Variants in C2orf80 observed in about 807,000 individuals in gnomAD.
C2orf80 encodes the protein chromosome 2 open reading frame 80, also known as uncharacterized protein C2orf80.
Under a neutral mutation model 30.2 loss-of-function variants are expected in C2orf80, and 28 were observed. The observed-to-expected ratio is 0.93, with a 90% confidence interval of 0.69 to 1.27. The LOEUF (loss-of-function observed/expected upper bound fraction) is 1.27, where lower values mean the gene tolerates loss of function less well. Ranked by LOEUF, C2orf80 falls within the 50% of genes most tolerant of loss-of-function variation. C2orf80 has a pLI of 0.00. For synonymous variants in C2orf80, 80 were observed against 76.4 expected (o/e 1.05, Z -0.24); for missense variants, 220 against 231.0 (o/e 0.95, Z 0.31).
intron 8 of C2orf80, among the ~76,000 whole-genome samples, chr2:208,169,923 A>G (rs947392453): frequency 2.6e-5 from 4 of 152,168 alleles, no homozygotes; most frequent in African/African-American, 9.7e-5. Context: ...ATAAGGTTAC[A>G]TTTCTAATTA....
chr2:208,173,423 A>G (rs998410829), intron 6 of C2orf80, among the ~76,000 whole-genome samples: 6 of 152,056 alleles, frequency 3.9e-5, no homozygotes, highest in Admixed American at 1.3e-4. Flanking sequence ...AGGAGATCGA[A>G]ACTATCCTGG....
chr2:208,176,932 T>C (rs1260223824), intron 6 of C2orf80, among the ~76,000 whole-genome samples: 2 of 88,764 alleles, frequency 2.3e-5, no homozygotes, highest in African/African-American at 9.0e-5. Context: ...TATACATATG[T>C]ATACATATCT....
chr2:208,168,721 A>G (rs1037704847), intron 8 of C2orf80, among the ~76,000 whole-genome samples: 1 of 120,758 alleles, frequency 8.3e-6, no homozygotes, highest in African/African-American at 3.2e-5. Flanking sequence ...ATAAAGTGTG[A>G]AAGAAAAAAC....
chr2:208,185,930 T>TG (rs1696705375), intron 2 of C2orf80, among the ~76,000 whole-genome samples: 1 of 152,218 alleles, frequency 6.6e-6, no homozygotes, highest in Non-Finnish European at 1.5e-5. Context: ...TTCCTGATCA[T>TG]GGTTTGTTCT....
intron 4 of C2orf80, among the ~76,000 whole-genome samples, chr2:208,181,859 T>C (rs1165949131): frequency 5.3e-5 from 8 of 152,154 alleles, no homozygotes; most frequent in Admixed American, 5.2e-4. Context: ...AAACTAGGAA[T>C]GGTGTTCACC....
intron 8 of C2orf80, chr2:208,168,528 G>A (rs939614164): frequency 1.2e-5 from 2 of 170,766 alleles, no homozygotes; most frequent in Non-Finnish European, 2.5e-5. Flanking sequence ...GGGCGTGGTG[G>A]CGGGCGCCTG....
chr2:208,185,114 C>A (rs1054735138), intron 2 of C2orf80, 82 bp from the exon 3 acceptor site: 3 of 916,366 alleles, frequency 3.3e-6, no homozygotes, highest in East Asian at 2.5e-5. Context: ...TTTCCCATCC[C>A]TCCCTCCCCC....
At chr2:208,184,439 G>T (rs1696655463) in intron 3 of C2orf80, among the ~76,000 whole-genome samples, 1 of 152,134 alleles carries the variant, frequency 6.6e-6, no homozygotes, top group South Asian at 2.1e-4. Context: ...TAGTAAATGG[G>T]CAGTGAAAAA....
In C2orf80 at chr2:208,171,072, A is replaced by T; in HGVS notation, c.455-9T>A. On this transcript the variant is annotated splice_polypyrimidine_tract_variant and intron_variant, in intron 7 of 8. Coordinates refer to ENST00000341287, the MANE Select transcript of C2orf80 (RefSeq NM_001099334.3). Reference sequence around the variant, plus strand: ...CTTTCTTGACTTGACACCTACAGACAGATGCAGTAACCATATCTGTATATA... The same window carrying T: ...CTTTCTTGACTTGACACCTACAGACTGATGCAGTAACCATATCTGTATATA... The T allele has an allele frequency of 2.5e-6, 4 of 1,581,322 alleles. No individual in the cohort carries two copies. Among genetic ancestry groups the T allele is most frequent in the Non-Finnish European group, 3.5e-6 (4 of 1,150,184 alleles).
At chr2:208,186,835 C>A in intron 2 of C2orf80, 111 bp downstream of exon 2, 1 of 968,226 alleles carries the variant, frequency 1.0e-6, no homozygotes. Flanking sequence ...TCCTACCATG[C>A]AGAAATAGAT....
intron 3 of C2orf80, among the ~76,000 whole-genome samples, chr2:208,184,697 AT>A (rs1415894151): frequency 6.6e-6 from 1 of 152,178 alleles, no homozygotes; most frequent in Non-Finnish European, 1.5e-5. Flanking sequence ...CCTGGCATTA[AT>A]TTTGATTTTT....
chr2:208,182,953 A>G lies in C2orf80; in HGVS notation c.206+12T>C, dbSNP rs751480571. ...AATTAAAGAGGAAAGCAACAAACCT[A>G]CTTCAACTTACAGTTCCTCCCACTC... On this transcript the variant is annotated intron_variant, in intron 4 of 8. Coordinates refer to ENST00000341287, the MANE Select transcript of C2orf80 (RefSeq NM_001099334.3). The G allele has an allele frequency of 8.7e-6, 14 of 1,604,288 alleles. No individual in the cohort carries two copies. The East Asian group carries it at 1.8e-4, about 20-fold the overall frequency.
intron 2 of C2orf80, 46 bp downstream of exon 2, chr2:208,186,900 C>T (rs376643218): frequency 1.4e-4 from 224 of 1,549,656 alleles, no homozygotes; most frequent in Non-Finnish European, 1.9e-4. Flanking sequence ...TGAAATCCAC[C>T]GAATGCCAAG....
intron 6 of C2orf80, 29 bp downstream of exon 6, chr2:208,180,716 T>A: frequency 6.4e-7 from 1 of 1,560,470 alleles, no homozygotes. Context: ...TAAAAATCCC[T>A]TCTATTGACA....
chr2:208,168,508 A>C lies in C2orf80; in HGVS notation c.573+2437T>G, dbSNP rs1322512977. The C allele has an allele frequency of 2.3e-5, 4 of 173,636 alleles. No individual in the cohort carries two copies. In the South Asian group the frequency reaches 3.8e-4, roughly 17 times the overall value. The allele number at this position is 173,636 out of a possible 1,614,324, so 10.8% of individuals were successfully genotyped here. ...AACCCCGTCTCTACTAAAAATACAA[A>C]AAATTAGCCGGGCGTGGTGGCGGGC... On this transcript the variant is annotated intron_variant, in intron 8 of 8. Coordinates refer to ENST00000341287, the MANE Select transcript of C2orf80 (RefSeq NM_001099334.3).
chr2:208,176,937 ATAT>A (rs1696339281), intron 6 of C2orf80, among the ~76,000 whole-genome samples: 2 of 89,206 alleles, frequency 2.2e-5, no homozygotes, highest in African/African-American at 4.9e-5. Flanking sequence ...ATATGTATAC[ATAT>A]CTGTATACAT....
chr2:208,175,281 TGA>T (rs1696249247), intron 6 of C2orf80, among the ~76,000 whole-genome samples: 1 of 147,928 alleles, frequency 6.8e-6, no homozygotes, highest in African/African-American at 2.5e-5. Flanking sequence ...CGTGACAGAG[TGA>T]GACTCTGTCT....
At position 208,165,763 on chromosome 2, in the gene C2orf80, C is replaced by G. The variant is rs947307988; in HGVS notation, c.*44G>C. On this transcript the variant is annotated 3_prime_UTR_variant, in exon 9 of 9. Transcript: ENST00000341287. Reference sequence around the variant, plus strand: ...TTTAAGATGATGCTTCTCGTCTGCTCCCAGAGAATCTATTATGAAGTTCCA... The same window carrying G: ...TTTAAGATGATGCTTCTCGTCTGCTGCCAGAGAATCTATTATGAAGTTCCA... 1.2e-6 allele frequency: 2 copies of G among 1,611,724 alleles called. No homozygotes were observed. Among genetic ancestry groups the G allele is most frequent in the African/African-American group, 2.7e-5 (2 of 74,834 alleles).
chr2:208,166,471 G>C (rs961040584), intron 8 of C2orf80, among the ~76,000 whole-genome samples: 7 of 152,096 alleles, frequency 4.6e-5, no homozygotes, highest in South Asian at 2.1e-4. Context: ...AAGCAAATCA[G>C]TTTTTGGCCT....
Sources: gnomAD v4.1 joint callset for allele counts (sites outside exome capture counted in the v4.1 genomes callset) on GRCh38, gnomAD v4.1.1 for gene constraint, MANE v1.5 for transcripts, NCBI Gene and HGNC (gene_info 2026-07-23, HGNC 2026-07-21) for gene names.